The following PLEKHD1 variants were observed in gnomAD, a reference collection of about 807,000 sequenced individuals.
PLEKHD1 encodes pleckstrin homology domain-containing family D member 1.
In PLEKHD1, 51 loss-of-function variants were observed where a neutral mutation model predicts 69.2. The observed-to-expected ratio is 0.74, with a 90% CI of 0.59 to 0.93. The LOEUF is 0.93. Ranked by LOEUF, PLEKHD1 falls within the 40% of genes least tolerant of loss-of-function variation. PLEKHD1 has a pLI of 0.00. For missense variants in PLEKHD1, 584 were observed against 641.0 expected, an observed-to-expected ratio of 0.91 and a Z score of 0.96; for synonymous variants, 236 against 244.7, an observed-to-expected ratio of 0.96 and a Z score of 0.33.
rs1161411498 is a variant in PLEKHD1, at chr14:69,485,123, G to C, written c.149+9G>C. Reference sequence around the variant, plus strand: ...GCCAAGTGGTCCCGGCGGTGAGTGCGCCCCCGCGCCCCAAGGAGACCGCCG... The same window carrying C: ...GCCAAGTGGTCCCGGCGGTGAGTGCCCCCCCGCGCCCCAAGGAGACCGCCG... On this transcript the variant is annotated intron_variant, in intron 1 of 12. Coordinates refer to ENST00000322564, the MANE Select transcript of PLEKHD1 (RefSeq NM_001161498.2). 2 of 1,547,132 alleles carry C rather than the reference G, an allele frequency of 1.3e-6. No individual in the cohort carries two copies. Among genetic ancestry groups the C allele is most frequent in the Non-Finnish European group, 1.7e-6 (2 of 1,145,010 alleles).
chr14:69,514,861 C>G (rs1420529597), intron 6 of PLEKHD1, among the ~76,000 whole-genome samples: 1 of 152,078 alleles, frequency 6.6e-6, no homozygotes, highest in East Asian at 1.9e-4. Flanking sequence ...AGGTTACACT[C>G]TGATAAAACA....
rs562045103 is a variant in PLEKHD1, at chr14:69,514,252, GT to G, written c.556-8019del. 8.9e-3 allele frequency among the ~76,000 whole-genome samples: 1,252 copies of G among 140,438 alleles called. 14 individuals are homozygous for G. The highest frequency in any genetic ancestry group is 0.029 in the African/African-American group (1,113 of 38,774). 92.1% of individuals were successfully genotyped at this position (140,438 alleles called of 152,430 possible). On this transcript the variant is annotated intron_variant, in intron 6 of 12. Transcript: ENST00000322564. ...ACAGTTCTTCGATATTCTGCTCTGG[GT>G]TTTTTTTTTTTCAGCCTTTTTTCTC...
At chr14:69,500,727 T>C in intron 3 of PLEKHD1, 61 bp downstream of exon 3, 2 of 1,532,192 alleles carry the variant, frequency 1.3e-6, no homozygotes, top group Middle Eastern at 1.7e-4. Context: ...CTCAGGCCTC[T>C]TCAGGACACA....
upstream of PLEKHD1, among the ~76,000 whole-genome samples, chr14:69,482,245 C>T (rs541431096): frequency 6.6e-6 from 1 of 152,354 alleles, no homozygotes; most frequent in East Asian, 1.9e-4. Flanking sequence ...CCAGGATTAT[C>T]TGGGCTCACT....
At chr14:69,484,163 G>A (rs539016670), upstream of PLEKHD1, among the ~76,000 whole-genome samples, 37 of 152,344 alleles carry the variant, frequency 2.4e-4, no homozygotes, top group African/African-American at 8.9e-4. Context: ...AATCTTGATG[G>A]AGCCCCTCCC....
At chr14:69,519,904 A>G (rs560709791) in intron 6 of PLEKHD1, among the ~76,000 whole-genome samples, 44 of 152,168 alleles carry the variant, frequency 2.9e-4, no homozygotes, top group African/African-American at 1.0e-3. Context: ...GCTCACGCCT[A>G]TAATCCCAGC....
chr14:69,516,604 C>T (rs1435213807), intron 6 of PLEKHD1, among the ~76,000 whole-genome samples: 1 of 152,088 alleles, frequency 6.6e-6, no homozygotes, highest in African/African-American at 2.4e-5. Flanking sequence ...GATCCTTCTT[C>T]CTGACCAAGA....
the PLEKHD1 span, among the ~76,000 whole-genome samples, chr14:69,468,626 G>A: frequency 1.3e-5 from 2 of 151,402 alleles, no homozygotes; most frequent in East Asian, 3.9e-4. Context: ...TGCTGGAGGG[G>A]CAGTGGTGCA....
At chr14:69,467,911 TC>T in the PLEKHD1 span, among the ~76,000 whole-genome samples, 3 of 152,224 alleles carry the variant, frequency 2.0e-5, no homozygotes, top group African/African-American at 7.2e-5. Flanking sequence ...ATAAATCATT[TC>T]TGAACAGGAG....
chr14:69,497,651 T>C (rs1016914816), intron 1 of PLEKHD1, among the ~76,000 whole-genome samples: 2 of 152,122 alleles, frequency 1.3e-5, no homozygotes, highest in African/African-American at 4.8e-5. Context: ...AGCTCGGCAG[T>C]TGACTGGAGG....
At chr14:69,491,534 T>C (rs1882776479) in intron 1 of PLEKHD1, among the ~76,000 whole-genome samples, 1 of 152,220 alleles carries the variant, frequency 6.6e-6, no homozygotes, top group Admixed American at 6.5e-5. Context: ...AAGCCCTTTC[T>C]AGCTCCTACT....
the PLEKHD1 span, among the ~76,000 whole-genome samples, chr14:69,478,910 A>C: frequency 6.6e-6 from 1 of 151,910 alleles, no homozygotes; most frequent in Non-Finnish European, 1.5e-5. Flanking sequence ...GCAGCACCCT[A>C]CTCTACTGGT....
the PLEKHD1 span, among the ~76,000 whole-genome samples, chr14:69,477,272 C>T: frequency 0.13 from 20,394 of 152,124 alleles, 1,437 homozygotes; most frequent in South Asian, 0.23. Flanking sequence ...TTCACTATCA[C>T]GAGAACAGCA....
At chr14:69,505,400 G>GAGGAA (rs1423952747) in intron 6 of PLEKHD1, among the ~76,000 whole-genome samples, 2 of 152,218 alleles carry the variant, frequency 1.3e-5, no homozygotes, top group Non-Finnish European at 2.9e-5. Flanking sequence ...TCAGGTCAGA[G>GAGGAA]ATTGTCTGGG....
In PLEKHD1 at chr14:69,521,099, G is replaced by A. The variant is rs975732057; in HGVS notation, c.556-1184G>A. ...ATGAGCTATGATCGTGCCACTGCAC[G>A]AGTGCCACTCTGCCTGAGTGACAGA... On this transcript the variant is annotated intron_variant, in intron 6 of 12. Coordinates refer to ENST00000322564, the MANE Select transcript of PLEKHD1 (RefSeq NM_001161498.2). Among the ~76,000 whole-genome samples the A allele has an allele frequency of 9.2e-5, 14 of 152,308 alleles. No individual in the cohort carries two copies. In the South Asian group the frequency reaches 2.7e-3, roughly 29 times the overall value.
chr14:69,470,221 G>A, the PLEKHD1 span, among the ~76,000 whole-genome samples: 1 of 151,636 alleles, frequency 6.6e-6, no homozygotes, highest in Admixed American at 6.6e-5. Flanking sequence ...TCAGCACTTT[G>A]GGGGGCCAAG....
chr14:69,479,411 C>T, the PLEKHD1 span, among the ~76,000 whole-genome samples: 1 of 152,160 alleles, frequency 6.6e-6, no homozygotes, highest in Non-Finnish European at 1.5e-5. Flanking sequence ...AGCTTGGGGC[C>T]TTGAAAAGAG....
chr14:69,527,978 GGAA>G, intron 12 of PLEKHD1, 46 bp downstream of exon 12: 1 of 1,549,698 alleles, frequency 6.5e-7, no homozygotes, highest in Non-Finnish European at 8.7e-7. Context: ...TGACAAGGCA[GGAA>G]GAGGGCAACA....
At chr14:69,512,466 T>C (rs1227436626) in intron 6 of PLEKHD1, among the ~76,000 whole-genome samples, 1 of 152,116 alleles carries the variant, frequency 6.6e-6, no homozygotes, top group Non-Finnish European at 1.5e-5. Context: ...AGTTTCCTAA[T>C]GTGGAAGCTT....
Sources: allele counts gnomAD v4.1 joint callset (sites outside exome capture counted in the v4.1 genomes callset), GRCh38; gene constraint gnomAD v4.1.1; transcripts MANE v1.5; gene names NCBI Gene and HGNC (gene_info 2026-07-23, HGNC 2026-07-21).